Variants in JHY observed in about 807,000 individuals in gnomAD.
JHY encodes the protein junctional cadherin complex regulator.
A neutral mutation model predicts 78.0 loss-of-function variants in JHY; 69 were observed. That is an observed-to-expected ratio of 0.88 (90% CI 0.73 to 1.08). The LOEUF is 1.08. Among genes scored for constraint, JHY ranks in the 50% least tolerant of loss-of-function variants. The pLI is 0.00. For missense variants in JHY, 944 were observed against 927.8 expected (o/e 1.02, Z -0.23); for synonymous variants, 368 against 342.6 (o/e 1.07, Z -0.82).
At position 122,904,265 on chromosome 11, in the gene JHY, G is replaced by T. The variant is rs769664764; in HGVS notation, c.685G>T (p.Val229Leu). 1 of 1,614,172 alleles carries T rather than the reference G, an allele frequency of 6.2e-7. No homozygotes were observed. Among genetic ancestry groups the T allele is most frequent in the Admixed American group, 1.7e-5 (1 of 60,018 alleles). ...EEKSSSLSPY[V>L]KSSSSHNEVF... ...GAAGTCGAGCAGCCTTTCTCCGTACGTGAAGAGCTCAAGTTCACATAACGA... is the reference window on the plus strand; with the variant it reads ...GAAGTCGAGCAGCCTTTCTCCGTACTTGAAGAGCTCAAGTTCACATAACGA... The change falls in exon 3 of 9, where the codon GTG (valine) becomes TTG (leucine). Residue 229 changes from valine to leucine, a missense_variant. By Grantham distance (32) the Val-to-Leu change is conservative (BLOSUM62 1). Transcript: ENST00000227349.
At position 122,885,797 on chromosome 11, in the gene JHY, C is replaced by G. The variant is rs1027720188; in HGVS notation, c.-53C>G. The G allele has an allele frequency of 8.7e-6, 12 of 1,375,252 alleles. No individual in the cohort carries two copies. The highest frequency in any genetic ancestry group is 2.9e-5 in the African/African-American group (2 of 68,788). The allele number at this position is 1,375,252 out of a possible 1,614,324, so 85.2% of individuals were successfully genotyped here. On this transcript the variant is annotated 5_prime_UTR_variant, in exon 2 of 9. Transcript: ENST00000227349. ...GTGAACCACAACTTTAAATATCAGC[C>G]AGCTGCTCCTATCAACACGAGTATC...
At chr11:122,959,130 C>CT in intron 8 of JHY, 118 bp from the exon 9 acceptor site, 1 of 1,390,274 alleles carries the variant, frequency 7.2e-7, no homozygotes, top group Non-Finnish European at 9.6e-7. Context: ...CCACCAATGT[C>CT]TTAGTAAGTT....
intron 8 of JHY, 122 bp from the exon 9 acceptor site, chr11:122,959,126 A>C: frequency 7.2e-7 from 1 of 1,384,538 alleles, no homozygotes. Flanking sequence ...ATTTCCACCA[A>C]TGTCTTAGTA....
At chr11:122,922,476 T>C (rs2135336712) in intron 3 of JHY, among the ~76,000 whole-genome samples, 3 of 152,314 alleles carry the variant, frequency 2.0e-5, no homozygotes, top group Middle Eastern at 6.8e-3. Flanking sequence ...AACAAATATC[T>C]TACCTCTTTC....
chr11:122,914,769 C>T (rs1458941926), intron 3 of JHY, among the ~76,000 whole-genome samples: 1 of 152,012 alleles, frequency 6.6e-6, no homozygotes, highest in Non-Finnish European at 1.5e-5. Context: ...TCCCACCTAT[C>T]CTATTATACT....
At position 122,912,022 on chromosome 11, in the gene JHY, C is replaced by T. The variant is rs537471761; in HGVS notation, c.864+7578C>T. Among the ~76,000 whole-genome samples, 386 of 150,458 alleles carry T rather than the reference C, an allele frequency of 2.6e-3. 1 individual carries two copies. Among genetic ancestry groups the T allele is most frequent in the African/African-American group, 8.8e-3 (361 of 41,018 alleles). On this transcript the variant is annotated intron_variant, in intron 3 of 8. Transcript: ENST00000227349. ...AAACTGGGGGTTGGGCATGGTGGCT[C>T]ATGCCTGTAATCCCAGCACTTTGGG...
chr11:122,910,243 G>C (rs1863083496), intron 3 of JHY, among the ~76,000 whole-genome samples: 1 of 152,156 alleles, frequency 6.6e-6, no homozygotes, highest in African/African-American at 2.4e-5. Context: ...GGGAGGCCAA[G>C]GCAGGTGGAT....
chr11:122,956,813 A>T (rs1864202314), intron 7 of JHY, among the ~76,000 whole-genome samples: 2 of 152,162 alleles, frequency 1.3e-5, no homozygotes, highest in Non-Finnish European at 2.9e-5. Flanking sequence ...GAAGGCCCGC[A>T]CGGAAAAGTG....
In JHY at chr11:122,934,911, C is replaced by T. The variant is rs772764654; in HGVS notation, c.1470C>T (p.Asp490=). The stretch of plus-strand genomic sequence containing the variant: ...ATCAGCAGCTACACACCCTTTCTGA[C>T]ATGGATTTGAACAACCTTAATGAAC... The part of the protein sequence containing the change: ...FSYQQLHTLS[D]MDLNNLNELS... Residue 490 remains aspartate, a synonymous_variant, in exon 5 of 9, where the codon GAC becomes GAT. Coordinates refer to ENST00000227349, the MANE Select transcript of JHY (RefSeq NM_024806.4). The T allele has an allele frequency of 5.0e-6, 8 of 1,614,146 alleles. No homozygotes were observed. Among genetic ancestry groups the T allele is most frequent in the Non-Finnish European group, 5.9e-6 (7 of 1,180,034 alleles).
At chr11:122,907,310 G>T (rs1244058208) in intron 3 of JHY, among the ~76,000 whole-genome samples, 1 of 151,844 alleles carries the variant, frequency 6.6e-6, no homozygotes, top group East Asian at 1.9e-4. Flanking sequence ...TCCCGATACA[G>T]ATTATATGTT....
Position 122,963,375 on chromosome 11 carries a change from C to A in JHY, c.*3930C>A, listed in dbSNP as rs1292964624. On this transcript the variant is annotated 3_prime_UTR_variant, in exon 9 of 9. Transcript: ENST00000227349. The stretch of plus-strand genomic sequence containing the variant: ...CATAAGACTCTAGAACATTAAAATT[C>A]TTTATATAGTGCCATGTGGCATCTA... 6.6e-6 allele frequency among the ~76,000 whole-genome samples: 1 copy of A among 152,142 alleles called. No individual in the cohort carries two copies. Among genetic ancestry groups the A allele is most frequent in the Non-Finnish European group, 1.5e-5 (1 of 68,008 alleles).
intron 3 of JHY, chr11:122,905,041 A>T (rs181035207): frequency 1.3e-6 from 1 of 743,538 alleles, no homozygotes; most frequent in Non-Finnish European, 2.2e-6. Flanking sequence ...CAATCTTCAG[A>T]TGTTTCTATA....
At position 122,898,697 on chromosome 11, in the gene JHY, A is replaced by G. The variant is rs1862786204; in HGVS notation, c.345-5228A>G. On this transcript the variant is annotated intron_variant, in intron 2 of 8. Coordinates refer to ENST00000227349, the MANE Select transcript of JHY (RefSeq NM_024806.4). This position sits in a 1 kb window ranked among gnomAD's most constrained non-coding sequence, Gnocchi z 4.4. Reference sequence around the variant, plus strand: ...AAAGGACTTCATAGCCTCTGTAGATAATCCCTTCCAGAAAGTCCTCACTTT... The same window carrying G: ...AAAGGACTTCATAGCCTCTGTAGATGATCCCTTCCAGAAAGTCCTCACTTT... Among the ~76,000 whole-genome samples the G allele has an allele frequency of 6.6e-6, 1 of 152,222 alleles. No homozygotes were observed. The highest frequency in any genetic ancestry group is 2.1e-4 in the South Asian group (1 of 4,832).
intron 2 of JHY, among the ~76,000 whole-genome samples, chr11:122,895,095 AT>A: frequency 6.6e-6 from 1 of 152,364 alleles, no homozygotes; most frequent in Admixed American, 6.5e-5. Context: ...TAAGGTGAGC[AT>A]AGAATTCAGA....
chr11:122,941,265 C>T (rs1289132446), intron 5 of JHY, among the ~76,000 whole-genome samples: 1 of 152,152 alleles, frequency 6.6e-6, no homozygotes, highest in African/African-American at 2.4e-5. Flanking sequence ...GTACCTGAAC[C>T]TCTTTCTATA....
chr11:122,886,493 C>T (rs935157301), intron 2 of JHY, among the ~76,000 whole-genome samples: 2 of 152,090 alleles, frequency 1.3e-5, no homozygotes, highest in South Asian at 4.1e-4. Flanking sequence ...TCCAGAAAGC[C>T]GGGTATGGAA....
chr11:122,919,135 T>C (rs1197171489), intron 3 of JHY, among the ~76,000 whole-genome samples: 3 of 151,840 alleles, frequency 2.0e-5, no homozygotes, highest in Non-Finnish European at 2.9e-5. Flanking sequence ...GCGGATCACT[T>C]GAGGTCAGAA....
chr11:122,942,548 C>T (rs1591394946), intron 5 of JHY, among the ~76,000 whole-genome samples: 1 of 152,060 alleles, frequency 6.6e-6, no homozygotes. Context: ...CTCAGCCTCC[C>T]AAGTAGCTGG....
intron 3 of JHY, chr11:122,905,201 T>C: frequency 6.2e-7 from 1 of 1,614,092 alleles, no homozygotes; most frequent in South Asian, 1.1e-5. Flanking sequence ...CTCTCCCACG[T>C]GATGGATTCA....
Sources: gnomAD v4.1 joint callset for allele counts (sites outside exome capture counted in the v4.1 genomes callset) on GRCh38, gnomAD v4.1.1 for gene constraint, Gnocchi (gnomAD v3.1) non-coding constraint, MANE v1.5 for transcripts, NCBI Gene and HGNC (gene_info 2026-07-23, HGNC 2026-07-21) for gene names.